The following ARHGEF38 variants were observed in gnomAD, a reference collection of about 807,000 sequenced individuals.
The protein encoded by ARHGEF38 is Rho guanine nucleotide exchange factor 38, also known as Rho guanine nucleotide exchange factor (GEF) 38.
In ARHGEF38, 79 loss-of-function variants were observed where a neutral mutation model predicts 79.9. The ratio of observed to expected loss-of-function variants is 0.99; its 90% CI spans 0.82 to 1.19. ARHGEF38 has a LOEUF of 1.19. ARHGEF38 is among the 50% of genes most tolerant of loss of function. The probability of loss-of-function intolerance (pLI) is 0.00; values close to 1 mark genes in which losing one functional copy is unlikely to be tolerated. For synonymous variants in ARHGEF38, 366 were observed against 328.3 expected, an observed-to-expected ratio of 1.11 and a Z score of -1.24; for missense variants, 962 against 907.2, an observed-to-expected ratio of 1.06 and a Z score of -0.78.
intron 1 of ARHGEF38, among the ~76,000 whole-genome samples, chr4:105,578,709 C>T (rs973665766): frequency 1.3e-5 from 2 of 152,148 alleles, no homozygotes; most frequent in African/African-American, 4.8e-5. Context: ...TCTGTGTGAT[C>T]TAAGAATAAC....
At position 105,597,883 on chromosome 4, in the gene ARHGEF38, C is replaced by A. The variant is rs561757918; in HGVS notation, c.384+8448C>A. On this transcript the variant is annotated intron_variant, in intron 2 of 13. Transcript: ENST00000420470. ...GAACTTTAATTAAAAACATAATGCC[C>A]TTATTTTCTCTATCTTCCTCCCTTT... Among the ~76,000 whole-genome samples, 3 of 152,102 alleles carry A rather than the reference C, an allele frequency of 2.0e-5. No individual in the cohort carries two copies. The South Asian group carries it at 6.2e-4, about 32-fold the overall frequency.
intron 1 of ARHGEF38, among the ~76,000 whole-genome samples, chr4:105,589,001 G>T (rs983346957): frequency 5.9e-5 from 9 of 152,094 alleles, no homozygotes; most frequent in Admixed American, 3.3e-4. Flanking sequence ...TACAACAATG[G>T]GATATTTTAA....
intron 7 of ARHGEF38, among the ~76,000 whole-genome samples, chr4:105,653,063 G>C (rs540304580): frequency 6.6e-6 from 1 of 152,086 alleles, no homozygotes; most frequent in African/African-American, 2.4e-5. Flanking sequence ...GGCTGGTTCC[G>C]ATCTTGTTTT....
intron 4 of ARHGEF38, 105 bp from the exon 5 acceptor site, chr4:105,636,294 ATTAC>A (rs970518546): frequency 3.7e-5 from 7 of 187,844 alleles, no homozygotes; most frequent in Non-Finnish European, 7.4e-5. Context: ...ATTCATGAAA[ATTAC>A]TTATTTTATT....
intron 2 of ARHGEF38, among the ~76,000 whole-genome samples, chr4:105,609,846 C>A (rs1196407210): frequency 6.6e-6 from 1 of 152,044 alleles, no homozygotes; most frequent in Non-Finnish European, 1.5e-5. Context: ...ACCCAGCAAT[C>A]CAATTACTGG....
chr4:105,593,008 G>T (rs1003954594), intron 2 of ARHGEF38, among the ~76,000 whole-genome samples: 1 of 151,954 alleles, frequency 6.6e-6, no homozygotes, highest in Non-Finnish European at 1.5e-5. Flanking sequence ...CCTCCTTATG[G>T]AATCATTCAT....
At chr4:105,596,076 A>G (rs1001266333) in intron 2 of ARHGEF38, among the ~76,000 whole-genome samples, 1 of 152,236 alleles carries the variant, frequency 6.6e-6, no homozygotes, top group African/African-American at 2.4e-5. Flanking sequence ...CTCTCAATTC[A>G]GAGTCCTTGA....
chr4:105,612,039 C>A (rs17260183), intron 2 of ARHGEF38, among the ~76,000 whole-genome samples: 15,202 of 152,078 alleles, frequency 0.1, 867 homozygotes, highest in Middle Eastern at 0.2. Flanking sequence ...GAAAAGGTGC[C>A]ATGTGAAGTC....
chr4:105,606,378 TA>T (rs1162789465), intron 2 of ARHGEF38, among the ~76,000 whole-genome samples: 2 of 152,202 alleles, frequency 1.3e-5, no homozygotes, highest in Admixed American at 6.6e-5. Context: ...GTCATGCACA[TA>T]TATATGGAAT....
Position 105,666,339 on chromosome 4 carries a change from A to G in ARHGEF38, c.1689+19A>G, listed in dbSNP as rs1223929996. On this transcript the variant is annotated intron_variant, in intron 11 of 13. Coordinates refer to ENST00000420470, the MANE Select transcript of ARHGEF38 (RefSeq NM_001242729.2). ...GATTCTGGTGAGTTTGGCAGCATTCATGACAATGATAACTTTCACCTCTTT... is the reference window on the plus strand; with the variant it reads ...GATTCTGGTGAGTTTGGCAGCATTCGTGACAATGATAACTTTCACCTCTTT... The G allele has an allele frequency of 2.0e-6, 3 of 1,505,210 alleles. No homozygotes were observed. The East Asian group carries it at 7.4e-5, about 37-fold the overall frequency. 93.2% of individuals were successfully genotyped at this position (1,505,210 alleles called of 1,614,324 possible).
intron 1 of ARHGEF38, among the ~76,000 whole-genome samples, chr4:105,554,345 T>C (rs977086372): frequency 1.3e-5 from 2 of 152,216 alleles, no homozygotes; most frequent in African/African-American, 4.8e-5. Flanking sequence ...TTTCAGCCCT[T>C]GCCTCTGTCC....
At chr4:105,662,489 A>C (rs930176715) in intron 10 of ARHGEF38, among the ~76,000 whole-genome samples, 1 of 152,256 alleles carries the variant, frequency 6.6e-6, no homozygotes, top group Non-Finnish European at 1.5e-5. Context: ...TAAGGCTCCA[A>C]ATAAATTCAG....
intron 10 of ARHGEF38, 49 bp from the exon 11 acceptor site, chr4:105,666,128 A>G (rs1578362558): frequency 3.5e-6 from 5 of 1,444,456 alleles, no homozygotes; most frequent in African/African-American, 1.4e-5. Context: ...AACACCTGAT[A>G]TGATTATCTA....
chr4:105,660,750 A>G (rs1280656410), intron 10 of ARHGEF38, among the ~76,000 whole-genome samples: 3 of 152,124 alleles, frequency 2.0e-5, no homozygotes. Context: ...TGAGCTTCCT[A>G]ATTCTTTTTA....
chr4:105,613,310 G>A (rs1030684627), intron 2 of ARHGEF38, 74 bp from the exon 3 acceptor site: 28 of 1,480,938 alleles, frequency 1.9e-5, no homozygotes, highest in Non-Finnish European at 2.5e-5. Context: ...CATTTAAAAT[G>A]CTTACTGTTT....
intron 13 of ARHGEF38, among the ~76,000 whole-genome samples, chr4:105,672,388 T>C (rs1328815382): frequency 6.6e-6 from 1 of 152,180 alleles, no homozygotes; most frequent in African/African-American, 2.4e-5. Context: ...TCTGGAGCCT[T>C]TGTTGAATAA....
At chr4:105,681,575 T>C (rs1731311838), downstream of ARHGEF38, among the ~76,000 whole-genome samples, 1 of 152,210 alleles carries the variant, frequency 6.6e-6, no homozygotes, top group African/African-American at 2.4e-5. Flanking sequence ...AATATACATG[T>C]ACAACAATTG....
Position 105,571,183 on chromosome 4 carries a change from G to A in ARHGEF38, c.197-18065G>A, listed in dbSNP as rs556186502. 2.0e-5 allele frequency among the ~76,000 whole-genome samples: 3 copies of A among 152,192 alleles called. No individual in the cohort carries two copies. In the South Asian group the frequency reaches 6.2e-4, roughly 32 times the overall value. On this transcript the variant is annotated intron_variant, in intron 1 of 13. Coordinates refer to ENST00000420470, the MANE Select transcript of ARHGEF38 (RefSeq NM_001242729.2). The stretch of plus-strand genomic sequence containing the variant: ...GTTACCATTATACATTTTATGTCAT[G>A]TATATTTTACTACAATGAAAAAGTT...
chr4:105,662,928 C>T (rs1041548772), intron 10 of ARHGEF38, among the ~76,000 whole-genome samples: 14 of 152,062 alleles, frequency 9.2e-5, no homozygotes, highest in Non-Finnish European at 1.5e-4. Context: ...CATAGAGATG[C>T]TTTGTTTTTG....
Sources: allele counts gnomAD v4.1 joint callset (sites outside exome capture counted in the v4.1 genomes callset), GRCh38; gene constraint gnomAD v4.1.1; transcripts MANE v1.5; gene names NCBI Gene and HGNC (gene_info 2026-07-23, HGNC 2026-07-21).